WWOX: variants seen among roughly 807,000 people sequenced by gnomAD.
The protein encoded by WWOX is WW domain containing oxidoreductase.
In WWOX, 69 loss-of-function variants were observed where a neutral mutation model predicts 46.2. The observed-to-expected ratio is 1.49, with a 90% CI of 1.23 to 1.82. The LOEUF (loss-of-function observed/expected upper bound fraction) is 1.82. Among genes scored for constraint, WWOX ranks in the 40% most tolerant of loss-of-function variants. WWOX has a pLI of 0.00. For missense variants in WWOX, 919 were observed against 542.6 expected, an observed-to-expected ratio of 1.69 and a Z score of -6.89; for synonymous variants, 359 against 202.6, an observed-to-expected ratio of 1.77 and a Z score of -6.56.
intron 8 of WWOX, among the ~76,000 whole-genome samples, chr16:78,561,001 G>T (rs3853360): frequency 0.029 from 4,397 of 152,222 alleles, 77 homozygotes; most frequent in Middle Eastern, 0.065. Flanking sequence ...GTCTCTTGGG[G>T]ACAAAATAAA....
intron 8 of WWOX, among the ~76,000 whole-genome samples, chr16:78,917,945 T>C (rs924341737): frequency 6.6e-6 from 1 of 152,170 alleles, no homozygotes; most frequent in Admixed American, 6.5e-5. Context: ...CTCACACACA[T>C]AATCTTAGCA....
chr16:78,786,369 G>T (rs1276136871), intron 8 of WWOX, among the ~76,000 whole-genome samples: 1 of 152,116 alleles, frequency 6.6e-6, no homozygotes, highest in Non-Finnish European at 1.5e-5. Context: ...TGGAGTTGGG[G>T]AACACGTTAT....
In WWOX at chr16:78,348,004, G is replaced by T. The variant is rs1296489550; in HGVS notation, c.517-38856G>T. On this transcript the variant is annotated intron_variant, in intron 5 of 8. Transcript: ENST00000566780. Reference sequence around the variant, plus strand: ...TTTAAAATCATGCCCAAGTTTTAAAGGAATATAAAACTTTCTCTTTAAAAA... The same window carrying T: ...TTTAAAATCATGCCCAAGTTTTAAATGAATATAAAACTTTCTCTTTAAAAA... Among the ~76,000 whole-genome samples, 2 of 122,500 alleles carry T rather than the reference G, an allele frequency of 1.6e-5. 1 individual carries two copies. Among genetic ancestry groups the T allele is most frequent in the Non-Finnish European group, 3.9e-5 (2 of 51,048 alleles). 80.4% of individuals were successfully genotyped at this position (122,500 alleles called of 152,430 possible). A position where few individuals can be genotyped will look rare whatever the true frequency, so the allele number is the denominator to read the frequency against.
At chr16:78,183,017 T>G (rs1048894583) in intron 5 of WWOX, among the ~76,000 whole-genome samples, 1 of 150,520 alleles carries the variant, frequency 6.6e-6, no homozygotes, top group South Asian at 2.1e-4. Flanking sequence ...ATGGTCCAAG[T>G]TTTGGTTTTT....
intron 5 of WWOX, among the ~76,000 whole-genome samples, chr16:78,202,187 T>G (rs1442314313): frequency 6.6e-6 from 1 of 152,184 alleles, no homozygotes; most frequent in Non-Finnish European, 1.5e-5. Flanking sequence ...AGACCAGTAA[T>G]GTCTTGGGGA....
chr16:78,900,244 C>T (rs2044796904), intron 8 of WWOX, among the ~76,000 whole-genome samples: 1 of 151,922 alleles, frequency 6.6e-6, no homozygotes, highest in African/African-American at 2.4e-5. Context: ...TTTTCTCCTC[C>T]TGTTTTGTGT....
intron 1 of WWOX, among the ~76,000 whole-genome samples, chr16:78,106,826 A>G (rs1163636623): frequency 6.6e-6 from 1 of 152,178 alleles, no homozygotes; most frequent in Admixed American, 6.5e-5. Flanking sequence ...TCGTTCTCCA[A>G]GCACTGTCAC....
intron 8 of WWOX, among the ~76,000 whole-genome samples, chr16:78,635,644 T>G (rs144042667): frequency 6.6e-6 from 1 of 152,290 alleles, no homozygotes; most frequent in African/African-American, 2.4e-5. Context: ...GTGCTAAAAA[T>G]GCTTGACCAG....
chr16:78,174,265 G>A (rs2035259237), intron 5 of WWOX, among the ~76,000 whole-genome samples: 1 of 152,188 alleles, frequency 6.6e-6, no homozygotes, highest in Non-Finnish European at 1.5e-5. Flanking sequence ...TATGGTGTCA[G>A]CAAGAGAAAA....
At chr16:78,355,233 C>T (rs1049224343) in intron 5 of WWOX, among the ~76,000 whole-genome samples, 49 of 53,404 alleles carry the variant, frequency 9.2e-4, no homozygotes, top group African/African-American at 4.0e-3. Context: ...GAAGTCATTG[C>T]TCCTGTGTGT....
At chr16:78,839,745 T>G (rs1297055673) in intron 8 of WWOX, among the ~76,000 whole-genome samples, 2 of 152,122 alleles carry the variant, frequency 1.3e-5, no homozygotes, top group African/African-American at 4.8e-5. Context: ...GTCACAGGCT[T>G]GGTTGGTGAT....
chr16:78,220,889 T>C (rs1235300179), intron 5 of WWOX, among the ~76,000 whole-genome samples: 1 of 152,188 alleles, frequency 6.6e-6, no homozygotes, highest in Non-Finnish European at 1.5e-5. Flanking sequence ...TTTGGACTCA[T>C]TCTAAAATCA....
rs866049801 is a variant in WWOX, at chr16:78,483,280, A to G, written c.1056+50528A>G. Reference sequence around the variant, plus strand: ...ATGGATTTACTCTCAAGAAAGTTGCATGTCACTTTACTTGGAAGAGACGGG... The same window carrying G: ...ATGGATTTACTCTCAAGAAAGTTGCGTGTCACTTTACTTGGAAGAGACGGG... On this transcript the variant is annotated intron_variant, in intron 8 of 8. Coordinates refer to ENST00000566780, the MANE Select transcript of WWOX (RefSeq NM_016373.4). Among the ~76,000 whole-genome samples, 12 of 152,242 alleles carry G rather than the reference A, an allele frequency of 7.9e-5. No individual in the cohort carries two copies. The South Asian group carries it at 2.3e-3, about 29-fold the overall frequency.
intron 5 of WWOX, among the ~76,000 whole-genome samples, chr16:78,224,996 G>A (rs1269372524): frequency 6.6e-6 from 1 of 152,130 alleles, no homozygotes; most frequent in Non-Finnish European, 1.5e-5. Context: ...CTATTTAAAT[G>A]TTCAAGACAT....
intron 8 of WWOX, among the ~76,000 whole-genome samples, chr16:78,833,971 T>C (rs1395763708): frequency 6.6e-6 from 1 of 152,250 alleles, no homozygotes; most frequent in Non-Finnish European, 1.5e-5. Flanking sequence ...GGCTTCAGCC[T>C]CATTGTCTTG....
rs182242145 is a variant in WWOX at position 78,795,918 on chromosome 16, T to G, written c.1056+363166T>G. 2.0e-5 allele frequency among the ~76,000 whole-genome samples: 3 copies of G among 152,288 alleles called. No homozygotes were observed. The East Asian group carries it at 5.8e-4, about 29-fold the overall frequency. Reference sequence around the variant, plus strand: ...TGGAAACAAAAGTATAAGGTTTAAGTAAGCGAACGAAATGGAAGATAATTG... The same window carrying G: ...TGGAAACAAAAGTATAAGGTTTAAGGAAGCGAACGAAATGGAAGATAATTG... On this transcript the variant is annotated intron_variant, in intron 8 of 8. Coordinates refer to ENST00000566780, the MANE Select transcript of WWOX (RefSeq NM_016373.4).
intron 5 of WWOX, among the ~76,000 whole-genome samples, chr16:78,188,833 C>T (rs140786188): frequency 4.6e-5 from 7 of 152,078 alleles, no homozygotes; most frequent in African/African-American, 1.7e-4. Flanking sequence ...GGAAATAATA[C>T]CCCTGTTTGA....
intron 8 of WWOX, among the ~76,000 whole-genome samples, chr16:78,648,705 C>A (rs2046900251): frequency 6.6e-6 from 1 of 152,178 alleles, no homozygotes; most frequent in Admixed American, 6.5e-5. Flanking sequence ...CCACAGCCTC[C>A]AATCGGAGCA....
chr16:78,918,085 C>T (rs1477034779), intron 8 of WWOX, among the ~76,000 whole-genome samples: 3 of 151,760 alleles, frequency 2.0e-5, no homozygotes, highest in Non-Finnish European at 4.4e-5. Context: ...GCTTGTAGTC[C>T]CAGCTACTCA....
Sources: allele counts gnomAD v4.1 joint callset (sites outside exome capture counted in the v4.1 genomes callset), GRCh38; gene constraint gnomAD v4.1.1; transcripts MANE v1.5; gene names NCBI Gene and HGNC (gene_info 2026-07-23, HGNC 2026-07-21).